NBEAL2: variants seen among roughly 807,000 people sequenced by gnomAD.
NBEAL2 encodes the protein neurobeachin like 2.
A neutral mutation model predicts 299.8 loss-of-function variants in NBEAL2; 160 were observed. The ratio of observed to expected loss-of-function variants is 0.53; its 90% CI spans 0.47 to 0.61. The LOEUF (loss-of-function observed/expected upper bound fraction) is 0.61, where lower values mean the gene tolerates loss of function less well. NBEAL2 is among the 20% of genes least tolerant of loss of function. NBEAL2 has a pLI of 0.00. For missense variants in NBEAL2, 3,112 were observed against 3,649.0 expected, an observed-to-expected ratio of 0.85 and a Z score of 3.79; for synonymous variants, 1,493 against 1,542.3, an observed-to-expected ratio of 0.97 and a Z score of 0.75.
rs2037182674 is a variant in NBEAL2, at chr3:47,003,364, AGT to A, written c.5720+61_5720+62del. The A allele has an allele frequency of 3.8e-6, 6 of 1,586,202 alleles. No homozygotes were observed. Among genetic ancestry groups the A allele is most frequent in the Middle Eastern group, 2.0e-4 (1 of 4,908 alleles). On this transcript the variant is annotated intron_variant, in intron 35 of 53. Transcript: ENST00000450053. The surrounding 1 kb of genome is among the most constrained non-coding windows in gnomAD (Gnocchi z 7.0). ...GTGTGGTGGGCAAGGGGTCTGCTCC[AGT>A]GTGTGCATGCCTCTGTGGGATCAAC... is the stretch of plus-strand genomic sequence containing the variant.
At position 47,000,238 on chromosome 3, in the gene NBEAL2, T is replaced by C; in HGVS notation, c.4139T>C (p.Leu1380Pro). 4 of 1,613,396 alleles carry C rather than the reference T, an allele frequency of 2.5e-6. No individual in the cohort carries two copies. Among genetic ancestry groups the C allele is most frequent in the Non-Finnish European group, 3.4e-6 (4 of 1,179,876 alleles). Residue 1380 changes from leucine to proline, a missense_variant, in exon 27 of 54, where the codon CTT becomes CCT. Leu to Pro is a moderately conservative substitution (Grantham distance 98). This residue lies in a region of NBEAL2 where 2,243 missense variants were observed against 2,538.1 expected (regional missense o/e 0.88). Transcript: ENST00000450053. The surrounding 1 kb of genome is among the most constrained non-coding windows in gnomAD (Gnocchi z 4.5). ...TAGGGGSSGT[L>P]TPASQPGTPS... Reference sequence around the variant, plus strand: ...GGTGGTGGCGGCAGCAGTGGGACTCTTACTCCAGCCAGCCAGCCCGGCACT... The same window carrying C: ...GGTGGTGGCGGCAGCAGTGGGACTCCTACTCCAGCCAGCCAGCCCGGCACT...
Position 46,996,376 on chromosome 3 carries a change from G to C in NBEAL2, c.2257G>C (p.Ala753Pro). The change falls in exon 16 of 54, where the codon GCC becomes CCC. Residue 753 changes from alanine to proline, a missense_variant. Physicochemically the swap from Ala to Pro is conservative, Grantham distance 27. Coordinates refer to ENST00000450053, the MANE Select transcript of NBEAL2 (RefSeq NM_015175.3). ...CGCCACCCTGGCCTACACTCACCCCGCCCTCACCCGCTCCCAGTCAGTCCC... is the reference window on the plus strand; with the variant it reads ...CGCCACCCTGGCCTACACTCACCCCCCCCTCACCCGCTCCCAGTCAGTCCC... ...VPATLAYTHP[A>P]LTRSQSVPAS... 6.2e-7 allele frequency: 1 copy of C among 1,611,998 alleles called. No homozygotes were observed. Among genetic ancestry groups the C allele is most frequent in the Non-Finnish European group, 8.5e-7 (1 of 1,179,646 alleles).
rs748378683 is a variant in NBEAL2, at chr3:46,989,231, G to A, written c.352-29G>A. On this transcript the variant is annotated intron_variant, in intron 4 of 53. Transcript: ENST00000450053. The surrounding 1 kb of genome is among the most constrained non-coding windows in gnomAD (Gnocchi z 5.5). Reference sequence around the variant, plus strand: ...AGGGAGGCAGGCGGTAGCCATGGCGGGGCTAACCCTCTCTCCCCACACCTA... The same window carrying A: ...AGGGAGGCAGGCGGTAGCCATGGCGAGGCTAACCCTCTCTCCCCACACCTA... 114 of 1,612,274 alleles carry A rather than the reference G, an allele frequency of 7.1e-5. No homozygotes were observed. The highest frequency in any genetic ancestry group is 9.1e-5 in the Non-Finnish European group (107 of 1,179,188).
chr3:47,006,018 G>C lies in NBEAL2; in HGVS notation c.6874G>C (p.Ala2292Pro), dbSNP rs1355691829. The change falls in exon 43 of 54, where the codon GCC becomes CCC. Residue 2292 changes from alanine to proline, a missense_variant. Physicochemically the swap from Ala to Pro is conservative, Grantham distance 27. Around this residue, in one of 3 missense-constraint regions of NBEAL2, gnomAD observed 521 missense variants for 729.6 expected, o/e 0.71. Coordinates refer to ENST00000450053, the MANE Select transcript of NBEAL2 (RefSeq NM_015175.3). The part of the protein sequence containing the change: ...LIFGYKQRGP[A>P]AEEALNVFYY... ...CTTTGGCTACAAGCAGCGGGGGCCA[G>C]CCGCCGAGGAGGCCCTCAATGTCTT... 6.2e-7 allele frequency: 1 copy of C among 1,613,768 alleles called. No homozygotes were observed. Among genetic ancestry groups the C allele is most frequent in the East Asian group, 2.2e-5 (1 of 44,878 alleles).
Position 47,002,583 on chromosome 3 carries a change from A to G in NBEAL2, c.5302-62A>G, listed in dbSNP as rs1310143677. ...CACATGCACCCAGGAGATGACTGAC[A>G]ATGTGGAGAAACGGGTAGGGCAGGC... On this transcript the variant is annotated intron_variant, in intron 32 of 53. Coordinates refer to ENST00000450053, the MANE Select transcript of NBEAL2 (RefSeq NM_015175.3). 1.2e-5 allele frequency: 19 copies of G among 1,608,212 alleles called. No homozygotes were observed. In the Admixed American group the frequency reaches 3.0e-4, roughly 26 times the overall value.
At position 47,008,074 on chromosome 3, in the gene NBEAL2, G is replaced by A; in HGVS notation, c.7607G>A (p.Gly2536Asp). 6.2e-7 allele frequency: 1 copy of A among 1,613,940 alleles called. No individual in the cohort carries two copies. The highest frequency in any genetic ancestry group is 1.3e-5 in the African/African-American group (1 of 75,052). Reference protein sequence around the residue: ...CMVWRLLHQGGLSVGLAPKPV... With the variant: ...CMVWRLLHQGDLSVGLAPKPV... ...GCCAACCCTGGTCCTCCACAGGGTGGTCTGTCAGTAGGCCTGGCACCAAAG... is the reference window on the plus strand; with the variant it reads ...GCCAACCCTGGTCCTCCACAGGGTGATCTGTCAGTAGGCCTGGCACCAAAG... The change falls in exon 50 of 54, where the codon GGT (glycine) becomes GAT (aspartate). Residue 2536 changes from glycine to aspartate, a missense_variant. This residue lies in a region of NBEAL2 where 348 missense variants were observed against 381.4 expected (regional missense o/e 0.91). Transcript: ENST00000450053.
Position 47,007,681 on chromosome 3 carries a change from G to A in NBEAL2, c.7491G>A (p.Gln2497=), listed in dbSNP as rs535443946. The change falls in exon 48 of 54, where the codon CAG becomes CAA. Residue 2497 remains glutamine (Q), a synonymous_variant. Transcript: ENST00000450053. Reference sequence around the variant, plus strand: ...TACCCCGTGGCAAGCTGTTGAGCCAGCTCAGCTGCCACCTTGGTATGAACA... The same window carrying A: ...TACCCCGTGGCAAGCTGTTGAGCCAACTCAGCTGCCACCTTGGTATGAACA... ...TALPRGKLLS[Q]LSCHLDVVTC... The A allele has an allele frequency of 1.9e-6, 3 of 1,609,066 alleles. No individual in the cohort carries two copies. The highest frequency in any genetic ancestry group is 2.2e-5 in the East Asian group (1 of 44,702).
chr3:47,001,055 A>G lies in NBEAL2; in HGVS notation c.4360A>G (p.Thr1454Ala). ...GCTCACCAACGTGCTGTTCTCGGTGACGTGGCGTGGCGTGGAAGGCAGCGA... is the reference window on the plus strand; with the variant it reads ...GCTCACCAACGTGCTGTTCTCGGTGGCGTGGCGTGGCGTGGAAGGCAGCGA... ...NLLTNVLFSV[T>A]WRGVEGSDEA... Residue 1454 changes from threonine to alanine, a missense_variant, in exon 28 of 54, where the codon ACG becomes GCG. Around this residue, in one of 3 missense-constraint regions of NBEAL2, gnomAD observed 2,243 missense variants for 2,538.1 expected, o/e 0.88. Transcript: ENST00000450053. The surrounding 1 kb of genome is among the most constrained non-coding windows in gnomAD (Gnocchi z 6.1). The G allele has an allele frequency of 1.2e-6, 2 of 1,612,178 alleles. No individual in the cohort carries two copies. The highest frequency in any genetic ancestry group is 1.7e-6 in the Non-Finnish European group (2 of 1,179,274).
At position 47,003,041 on chromosome 3, in the gene NBEAL2, C is replaced by T. The variant is rs376538544; in HGVS notation, c.5544C>T (p.Phe1848=). Residue 1848 remains phenylalanine, a synonymous_variant, in exon 34 of 54, where the codon TTC becomes TTT. Transcript: ENST00000450053. This position sits in a 1 kb window ranked among gnomAD's most constrained non-coding sequence, Gnocchi z 7.0. ...TGAAGCTGGTGCCCAACCATCACTT[C>T]GACCCTCACCTGGAAGCCAGCGCTC... ...MRLKLVPNHH[F]DPHLEASALR... 1.1e-5 allele frequency: 18 copies of T among 1,612,834 alleles called. No individual in the cohort carries two copies. The African/African-American group carries it at 1.6e-4, about 14-fold the overall frequency.
rs1256980803 is a variant in NBEAL2, at chr3:46,979,778, T to C, written c.-84T>C. On this transcript the variant is annotated 5_prime_UTR_variant, in exon 1 of 54. It removes an upstream start codon present in the reference 5' UTR. Coordinates refer to ENST00000450053, the MANE Select transcript of NBEAL2 (RefSeq NM_015175.3). ...GCCCCGGAGTGACGCCCTCCGCCCA[T>C]GGGCCTGGCCGAGGGCAACCGGCGG... The C allele has an allele frequency of 3.6e-5, 13 of 361,620 alleles. No homozygotes were observed. The highest frequency in any genetic ancestry group is 2.8e-4 in the African/African-American group (13 of 46,494). The allele number at this position is 361,620 out of a possible 1,614,324, so 22.4% of individuals were successfully genotyped here.
rs1473550298 is a variant in NBEAL2 at position 47,009,050 on chromosome 3, A to C, written c.8089A>C (p.Lys2697Gln). The change falls in exon 53 of 54, where the codon AAG (lysine) becomes CAG (glutamine). Residue 2697 changes from lysine to glutamine, a missense_variant. By Grantham distance (53) the Lys-to-Gln change is moderately conservative. Around this residue, in one of 3 missense-constraint regions of NBEAL2, gnomAD observed 348 missense variants for 381.4 expected, o/e 0.91. Coordinates refer to ENST00000450053, the MANE Select transcript of NBEAL2 (RefSeq NM_015175.3). ...KVAIRSVAVT[K>Q]ERSHVLVGLE... ...GGCCATCCGCAGCGTGGCCGTGACC[A>C]AGGAGCGCAGCCACGTGCTGGTGGG... is the stretch of plus-strand genomic sequence containing the variant. The C allele has an allele frequency of 2.5e-6, 4 of 1,601,680 alleles. No individual in the cohort carries two copies. Among genetic ancestry groups the C allele is most frequent in the Non-Finnish European group, 3.4e-6 (4 of 1,179,704 alleles).
chr3:46,999,224 G>C, intron 24 of NBEAL2, 91 bp from the exon 25 acceptor site: 1 of 1,540,364 alleles, frequency 6.5e-7, no homozygotes, highest in Non-Finnish European at 8.8e-7. Context: ...CTGCCTTCAA[G>C]GGCCTCTTGA....
In NBEAL2 at chr3:46,987,890, C is replaced by T. The variant is rs576279015; in HGVS notation, c.52-779C>T. 9 of 637,906 alleles carry T rather than the reference C, an allele frequency of 1.4e-5. No individual in the cohort carries two copies. The African/African-American group carries it at 1.6e-4, about 11-fold the overall frequency. 39.5% of individuals were successfully genotyped at this position (637,906 alleles called of 1,614,324 possible). A position where few individuals can be genotyped will look rare whatever the true frequency, so the allele number is the denominator to read the frequency against. Reference sequence around the variant, plus strand: ...GGGGCCCAGGGTGCCCCGGCCCCCCCACATCCCTGCGGTCTGCCGGGAGGA... The same window carrying T: ...GGGGCCCAGGGTGCCCCGGCCCCCCTACATCCCTGCGGTCTGCCGGGAGGA... On this transcript the variant is annotated intron_variant, in intron 1 of 53. Coordinates refer to ENST00000450053, the MANE Select transcript of NBEAL2 (RefSeq NM_015175.3).
chr3:47,001,456 G>C lies in NBEAL2; in HGVS notation c.4644+18G>C. 6.2e-7 allele frequency: 1 copy of C among 1,608,020 alleles called. No homozygotes were observed. The highest frequency in any genetic ancestry group is 8.5e-7 in the Non-Finnish European group (1 of 1,178,232). On this transcript the variant is annotated intron_variant, in intron 29 of 53. Transcript: ENST00000450053. This position sits in a 1 kb window ranked among gnomAD's most constrained non-coding sequence, Gnocchi z 6.1. ...GTGAGAAGGTGCGACCCCTCAGAGA[G>C]GCGTGAGCCACATGAACACTCATGT...
Position 47,009,308 on chromosome 3 carries a change from T to C in NBEAL2, c.8253T>C (p.Thr2751=), listed in dbSNP as rs1227734443. The C allele has an allele frequency of 1.1e-5, 17 of 1,594,948 alleles. No individual in the cohort carries two copies. The highest frequency in any genetic ancestry group is 1.4e-5 in the Non-Finnish European group (16 of 1,171,932). Residue 2751 remains threonine (T), a synonymous_variant, in exon 54 of 54, where the codon ACT becomes ACC. Transcript: ENST00000450053. ...CGGGAGAGACGGAATACAACCCTACTGAGGCGCGCTGAACCTGGCCAGTCC... is the reference window on the plus strand; with the variant it reads ...CGGGAGAGACGGAATACAACCCTACCGAGGCGCGCTGAACCTGGCCAGTCC... ...VSSGETEYNP[T]EAR
In NBEAL2 at chr3:47,004,661, A is replaced by G; in HGVS notation, c.6294+71A>G. ...GTCAGCCCTTGGTTCCCCCAAGTGT[A>G]GGTACCTGCCAGTGGGCCAAGCTCT... On this transcript the variant is annotated intron_variant, in intron 38 of 53. Transcript: ENST00000450053. The surrounding 1 kb of genome is among the most constrained non-coding windows in gnomAD (Gnocchi z 5.0). 4.1e-6 allele frequency: 6 copies of G among 1,476,926 alleles called. No individual in the cohort carries two copies. The highest frequency in any genetic ancestry group is 5.7e-6 in the Non-Finnish European group (6 of 1,058,352). 91.5% of individuals were successfully genotyped at this position (1,476,926 alleles called of 1,614,324 possible). A position where few individuals can be genotyped will look rare whatever the true frequency, so the allele number is the denominator to read the frequency against.
rs753685160 is a variant in NBEAL2 at position 47,001,774 on chromosome 3, C to T, written c.4730C>T (p.Ala1577Val). 16 of 1,613,916 alleles carry T rather than the reference C, an allele frequency of 9.9e-6. No individual in the cohort carries two copies. Among genetic ancestry groups the T allele is most frequent in the East Asian group, 2.2e-5 (1 of 44,880 alleles). The change falls in exon 30 of 54, where the codon GCG becomes GTG. Residue 1577 changes from alanine (A) to valine (V), a missense_variant. This residue lies in a region of NBEAL2 where 2,243 missense variants were observed against 2,538.1 expected (regional missense o/e 0.88). Coordinates refer to ENST00000450053, the MANE Select transcript of NBEAL2 (RefSeq NM_015175.3). The surrounding 1 kb of genome is among the most constrained non-coding windows in gnomAD (Gnocchi z 6.1). ...GGCACAGCTGATCTCCGTGAGATGG[C>T]GCAGATTGGCCTACGGCTTGTACTT... ...ANGTADLREM[A>V]QIGLRLVLGY...
intron 45 of NBEAL2, 105 bp from the exon 46 acceptor site, chr3:47,006,961 A>G (rs2037490005): frequency 1.2e-5 from 11 of 932,086 alleles, no homozygotes; most frequent in South Asian, 6.9e-5. Context: ...CACCTACTCT[A>G]TGACCCCTGG....
In NBEAL2 at chr3:47,009,307, C is replaced by A; in HGVS notation, c.8252C>A (p.Thr2751Asn). The A allele has an allele frequency of 1.3e-6, 2 of 1,595,006 alleles. No individual in the cohort carries two copies. The highest frequency in any genetic ancestry group is 1.3e-5 in the African/African-American group (1 of 74,604). ...VSSGETEYNP[T>N]EAR The stretch of plus-strand genomic sequence containing the variant: ...TCGGGAGAGACGGAATACAACCCTA[C>A]TGAGGCGCGCTGAACCTGGCCAGTC... The change falls in exon 54 of 54, where the codon ACT becomes AAT. Residue 2751 changes from threonine to asparagine, a missense_variant. Around this residue, in one of 3 missense-constraint regions of NBEAL2, gnomAD observed 348 missense variants for 381.4 expected, o/e 0.91. Transcript: ENST00000450053.
Sources: allele counts gnomAD v4.1 joint callset, GRCh38; gene constraint gnomAD v4.1.1; regional missense constraint gnomAD v4.1.1; non-coding constraint Gnocchi (gnomAD v3.1); transcripts MANE v1.5; gene names NCBI Gene and HGNC (gene_info 2026-07-23, HGNC 2026-07-21).